ANKHD1: variants seen among roughly 807,000 people sequenced by gnomAD.
The protein encoded by ANKHD1 is ankyrin repeat and KH domain-containing protein 1.
In ANKHD1, 31 loss-of-function variants were observed where a neutral mutation model predicts 230.5. The observed-to-expected ratio is 0.13, with a 90% CI of 0.10 to 0.18. The LOEUF is 0.18. Ranked by LOEUF, ANKHD1 falls within the 10% of genes least tolerant of loss-of-function variation. The pLI, the probability that ANKHD1 is intolerant of heterozygous loss-of-function variation, is 1.00. For missense variants in ANKHD1, 2,256 were observed against 3,071.3 expected (o/e 0.73, Z 6.27); for synonymous variants, 1,074 against 1,117.6 (o/e 0.96, Z 0.78).
intron 6 of ANKHD1, among the ~76,000 whole-genome samples, chr5:140,446,269 A>AT (rs1446566956): frequency 6.6e-6 from 1 of 152,166 alleles, no homozygotes; most frequent in East Asian, 1.9e-4. Context: ...GTTTTATATG[A>AT]TTTTTCCAAT....
intron 1 of ANKHD1, among the ~76,000 whole-genome samples, chr5:140,408,358 A>G (rs896473367): frequency 6.6e-6 from 1 of 152,142 alleles, no homozygotes. Flanking sequence ...TTCTAGGCCT[A>G]TCTTTCTATG....
At chr5:140,488,605 A>T (rs74889991) in intron 14 of ANKHD1, among the ~76,000 whole-genome samples, 3,886 of 150,716 alleles carry the variant, frequency 0.026, 164 homozygotes, top group African/African-American at 0.088. Context: ...AAAAAATCAT[A>T]AAAAAAAATA....
chr5:140,462,271 A>G (rs1430985469), intron 9 of ANKHD1, among the ~76,000 whole-genome samples: 1 of 151,908 alleles, frequency 6.6e-6, no homozygotes, highest in Admixed American at 6.6e-5. Context: ...TGATATTATT[A>G]GCCATTGATG....
intron 11 of ANKHD1, among the ~76,000 whole-genome samples, chr5:140,483,439 G>A (rs1423214821): frequency 1.3e-5 from 2 of 150,650 alleles, no homozygotes; most frequent in Admixed American, 1.3e-4. Flanking sequence ...AAAAATGCAG[G>A]GTAAGATTTT....
intron 14 of ANKHD1, among the ~76,000 whole-genome samples, chr5:140,490,683 T>A (rs1469718683): frequency 2.0e-5 from 3 of 152,258 alleles, no homozygotes; most frequent in Non-Finnish European, 4.4e-5. Context: ...CATTTTGATC[T>A]TTTGCAAGTT....
chr5:140,509,537 T>A, intron 20 of ANKHD1, 100 bp from the exon 21 acceptor site: 1 of 1,345,426 alleles, frequency 7.4e-7, no homozygotes, highest in Non-Finnish European at 9.7e-7. Flanking sequence ...AAAAGTTAAT[T>A]GCCTCAGGTT....
Position 140,538,912 on chromosome 5 carries a change from G to T in ANKHD1, c.7405-7G>T, listed in dbSNP as rs1464314781. 2 of 1,525,164 alleles carry T rather than the reference G, an allele frequency of 1.3e-6. No individual in the cohort carries two copies. Among genetic ancestry groups the T allele is most frequent in the Admixed American group, 2.2e-5 (1 of 44,978 alleles). The allele number at this position is 1,525,164 out of a possible 1,614,324, so 94.5% of individuals were successfully genotyped here. On this transcript the variant is annotated splice_region_variant and splice_polypyrimidine_tract_variant and intron_variant, in intron 32 of 33. Coordinates refer to ENST00000360839, the MANE Select transcript of ANKHD1 (RefSeq NM_017747.3). ...TTAAGATTAAATCTTTTTTCCTGCTGTTTTAGGGTCTGCCAATTTCCATGT... is the reference window on the plus strand; with the variant it reads ...TTAAGATTAAATCTTTTTTCCTGCTTTTTTAGGGTCTGCCAATTTCCATGT...
chr5:140,495,246 CT>C (rs1410852046), intron 14 of ANKHD1, among the ~76,000 whole-genome samples: 13 of 137,012 alleles, frequency 9.5e-5, no homozygotes, highest in African/African-American at 3.7e-4. Context: ...CTGAATAGTC[CT>C]ACTTTTTTTT....
chr5:140,533,956 T>G (rs1234688121), intron 29 of ANKHD1, among the ~76,000 whole-genome samples: 2 of 152,176 alleles, frequency 1.3e-5, no homozygotes, highest in Non-Finnish European at 2.9e-5. Context: ...TAATTTTTTT[T>G]GTCAGGAAAG....
chr5:140,471,261 A>T (rs1264434130), intron 10 of ANKHD1, among the ~76,000 whole-genome samples: 2 of 152,156 alleles, frequency 1.3e-5, no homozygotes, highest in Non-Finnish European at 2.9e-5. Context: ...CAGCTATTTA[A>T]GTAAAGATTC....
chr5:140,432,928 C>T (rs528832184), intron 1 of ANKHD1, among the ~76,000 whole-genome samples: 1 of 152,174 alleles, frequency 6.6e-6, no homozygotes, highest in African/African-American at 2.4e-5. Flanking sequence ...GTCTTAAACT[C>T]CTGGCCTCAA....
intron 1 of ANKHD1, among the ~76,000 whole-genome samples, chr5:140,427,572 G>T (rs1265061531): frequency 6.9e-6 from 1 of 144,156 alleles, no homozygotes; most frequent in African/African-American, 2.6e-5. Context: ...CTCCCTTGCG[G>T]ACGGGGCGGC....
At chr5:140,481,010 C>T (rs1437209247) in intron 10 of ANKHD1, among the ~76,000 whole-genome samples, 1 of 151,834 alleles carries the variant, frequency 6.6e-6, no homozygotes, top group Non-Finnish European at 1.5e-5. Flanking sequence ...GGAGGTCTTC[C>T]TTGAGGAAAT....
intron 1 of ANKHD1, among the ~76,000 whole-genome samples, chr5:140,403,572 C>T (rs551552822): frequency 6.6e-6 from 1 of 152,138 alleles, no homozygotes; most frequent in South Asian, 2.1e-4. Context: ...CCACCACTCC[C>T]GGCTAATATT....
intron 9 of ANKHD1, 146 bp from the exon 10 acceptor site, chr5:140,464,521 G>T: frequency 1.7e-6 from 1 of 595,776 alleles, no homozygotes; most frequent in Non-Finnish European, 2.6e-6. Flanking sequence ...TTTTTATAAA[G>T]CATATTTAAA....
chr5:140,402,128 C>T lies in ANKHD1; in HGVS notation c.161C>T (p.Ser54Leu). 6.5e-7 allele frequency: 1 copy of T among 1,543,670 alleles called. No individual in the cohort carries two copies. The highest frequency in any genetic ancestry group is 1.2e-5 in the South Asian group (1 of 82,670). Residue 54 changes from serine (S) to leucine (L), a missense_variant, in exon 1 of 34, where the codon TCG becomes TTG. Ser to Leu is a moderately radical substitution (Grantham distance 145). Transcript: ENST00000360839. ...CTCTTTGGGGAGGCCGGGCCAGCGT[C>T]GGGAGTCGGCAGCAGCGGCGGCGGC... The part of the protein sequence containing the change: ...VRLFGEAGPA[S>L]GVGSSGGGGS...
In ANKHD1 at chr5:140,507,747, A is replaced by G; in HGVS notation, c.3552-38A>G. On this transcript the variant is annotated intron_variant, in intron 19 of 33. Transcript: ENST00000360839. The surrounding 1 kb of genome is among the most constrained non-coding windows in gnomAD (Gnocchi z 4.1). ...ATGCTTTTCTAAAATAATAGGCAACATATTATTTTAATTTTCTAAGCACAT... is the reference window on the plus strand; with the variant it reads ...ATGCTTTTCTAAAATAATAGGCAACGTATTATTTTAATTTTCTAAGCACAT... The G allele has an allele frequency of 1.9e-6, 3 of 1,599,910 alleles. No individual in the cohort carries two copies. In the South Asian group the frequency reaches 3.3e-5, roughly 18 times the overall value.
chr5:140,497,141 G>C lies in ANKHD1; in HGVS notation c.2867G>C (p.Gly956Ala). Reference sequence around the variant, plus strand: ...TCTCTTGAACTTCAGAAAGTATCAGGTAATCAGCAGATTGTAGGACAGCCT... The same window carrying C: ...TCTCTTGAACTTCAGAAAGTATCAGCTAATCAGCAGATTGTAGGACAGCCT... ...TNSLELQKVS[G>A]NQQIVGQPQI... The change falls in exon 15 of 34, where the codon GGT (glycine) becomes GCT (alanine). Residue 956 changes from glycine (G) to alanine (A), a missense_variant. Gly to Ala is a moderately conservative substitution (Grantham distance 60). Coordinates refer to ENST00000360839, the MANE Select transcript of ANKHD1 (RefSeq NM_017747.3). 6.2e-7 allele frequency: 1 copy of C among 1,614,136 alleles called. No homozygotes were observed. The highest frequency in any genetic ancestry group is 8.5e-7 in the Non-Finnish European group (1 of 1,180,032).
chr5:140,538,645 G>A (rs1754179682), intron 32 of ANKHD1, among the ~76,000 whole-genome samples: 1 of 152,164 alleles, frequency 6.6e-6, no homozygotes, highest in Non-Finnish European at 1.5e-5. Flanking sequence ...ACTAAAATAT[G>A]GGAAAGTTGA....
Sources: allele counts gnomAD v4.1 joint callset (sites outside exome capture counted in the v4.1 genomes callset), GRCh38; gene constraint gnomAD v4.1.1; non-coding constraint Gnocchi (gnomAD v3.1); transcripts MANE v1.5; gene names NCBI Gene and HGNC (gene_info 2026-07-23, HGNC 2026-07-21).